Variants in RANBP9 observed in about 807,000 individuals in gnomAD.
The protein encoded by RANBP9 is ran-binding protein 9.
A neutral mutation model predicts 84.3 loss-of-function variants in RANBP9; 15 were observed. The observed-to-expected ratio is 0.18, with a 90% CI of 0.12 to 0.27. RANBP9 has a LOEUF of 0.27. Among genes scored for constraint, RANBP9 ranks in the 10% least tolerant of loss-of-function variants. The probability of loss-of-function intolerance (pLI) is 1.00; values close to 1 mark genes in which losing one functional copy is unlikely to be tolerated. For missense variants in RANBP9, 809 were observed against 912.8 expected (o/e 0.89, Z 1.46); for synonymous variants, 392 against 349.6 (o/e 1.12, Z -1.35).
At chr6:13,639,797 G>T in intron 8 of RANBP9, 44 bp from the exon 9 acceptor site, 1 of 1,474,198 alleles carries the variant, frequency 6.8e-7, no homozygotes, top group South Asian at 1.2e-5. Context: ...ATCTTCAAAT[G>T]GCCTTTTATT....
chr6:13,684,013 A>C (rs1002070389), intron 2 of RANBP9, among the ~76,000 whole-genome samples: 1 of 152,218 alleles, frequency 6.6e-6, no homozygotes, highest in Non-Finnish European at 1.5e-5. Context: ...GAACATATCC[A>C]AAATCCAAGA....
At chr6:13,634,356 T>G in intron 11 of RANBP9, 75 bp downstream of exon 11, 2 of 1,514,680 alleles carry the variant, frequency 1.3e-6, no homozygotes, top group Non-Finnish European at 1.8e-6. Context: ...TCATCAGCTG[T>G]GAATCAGTAC....
chr6:13,688,764 G>GTA (rs1684065735), intron 2 of RANBP9, among the ~76,000 whole-genome samples: 1 of 151,350 alleles, frequency 6.6e-6, no homozygotes, highest in Non-Finnish European at 1.5e-5. Flanking sequence ...CGTAAACTCT[G>GTA]TAGCAGTCTT....
intron 1 of RANBP9, among the ~76,000 whole-genome samples, chr6:13,698,783 T>A (rs1443373270): frequency 6.6e-6 from 1 of 152,182 alleles, no homozygotes; most frequent in African/African-American, 2.4e-5. Flanking sequence ...CAAGGGAAGA[T>A]AATGAAACTC....
At chr6:13,679,637 T>C (rs1019688831) in intron 2 of RANBP9, among the ~76,000 whole-genome samples, 2 of 152,182 alleles carry the variant, frequency 1.3e-5, no homozygotes, top group Non-Finnish European at 2.9e-5. Flanking sequence ...TTAATCCATA[T>C]TTAAAATCTT....
intron 2 of RANBP9, among the ~76,000 whole-genome samples, chr6:13,666,417 G>A (rs1765648063): frequency 6.6e-6 from 1 of 151,646 alleles, no homozygotes; most frequent in African/African-American, 2.4e-5. Flanking sequence ...AAAAATGTCA[G>A]TAACACATTT....
At chr6:13,674,620 C>G (rs557953583) in intron 2 of RANBP9, among the ~76,000 whole-genome samples, 2 of 152,294 alleles carry the variant, frequency 1.3e-5, no homozygotes, top group Admixed American at 6.5e-5. Context: ...ACCACCCAGG[C>G]ACAAGTGTTT....
intron 2 of RANBP9, among the ~76,000 whole-genome samples, chr6:13,676,816 T>C (rs964559157): frequency 6.6e-6 from 1 of 152,030 alleles, no homozygotes; most frequent in Non-Finnish European, 1.5e-5. Context: ...TCCAACACCA[T>C]TCTTGATAAA....
At chr6:13,673,352 T>TA (rs761846719) in intron 2 of RANBP9, among the ~76,000 whole-genome samples, 8 of 152,040 alleles carry the variant, frequency 5.3e-5, no homozygotes, top group Non-Finnish European at 1.2e-4. Flanking sequence ...CAAACAAAAA[T>TA]AGAGGGAACT....
chr6:13,671,143 G>A (rs746827861), intron 2 of RANBP9, among the ~76,000 whole-genome samples: 20 of 152,138 alleles, frequency 1.3e-4, no homozygotes, highest in Admixed American at 4.6e-4. Flanking sequence ...ACACTAGGAT[G>A]GCTAGAATCA....
At chr6:13,636,657 A>ATT (rs1026078145) in intron 10 of RANBP9, among the ~76,000 whole-genome samples, 1 of 152,004 alleles carries the variant, frequency 6.6e-6, no homozygotes, top group African/African-American at 2.4e-5. Flanking sequence ...ATTTCCATCT[A>ATT]TTTTTAAACT....
intron 1 of RANBP9, among the ~76,000 whole-genome samples, chr6:13,707,299 G>T (rs908853964): frequency 1.3e-5 from 2 of 152,102 alleles, no homozygotes; most frequent in African/African-American, 2.4e-5. Context: ...GATTACAGGC[G>T]TAAGCCACCA....
At chr6:13,664,778 G>A (rs989412428) in intron 2 of RANBP9, among the ~76,000 whole-genome samples, 4 of 152,104 alleles carry the variant, frequency 2.6e-5, no homozygotes, top group South Asian at 4.1e-4. Flanking sequence ...AATTAAATAA[G>A]TAAAATGTAT....
At chr6:13,670,657 G>A (rs1180798334) in intron 2 of RANBP9, among the ~76,000 whole-genome samples, 5 of 151,638 alleles carry the variant, frequency 3.3e-5, no homozygotes, top group Non-Finnish European at 2.9e-5. Context: ...AAAATTAGAC[G>A]GGCGTGGTGG....
intron 1 of RANBP9, among the ~76,000 whole-genome samples, chr6:13,707,725 G>C (rs954642269): frequency 6.6e-6 from 1 of 152,132 alleles, no homozygotes; most frequent in Admixed American, 6.5e-5. Context: ...TATATATAAA[G>C]CACTCTATAA....
At chr6:13,692,308 G>A (rs1404778549) in intron 2 of RANBP9, among the ~76,000 whole-genome samples, 1 of 151,794 alleles carries the variant, frequency 6.6e-6, no homozygotes, top group African/African-American at 2.4e-5. Flanking sequence ...GGCCGAGGCG[G>A]GTGGATCACC....
intron 2 of RANBP9, among the ~76,000 whole-genome samples, chr6:13,674,142 G>C (rs1765835284): frequency 6.7e-6 from 1 of 149,350 alleles, no homozygotes; most frequent in African/African-American, 2.5e-5. Context: ...TAATGAGTAA[G>C]AAACAAATAT....
chr6:13,708,456 AC>A (rs1326860054), intron 1 of RANBP9, among the ~76,000 whole-genome samples: 1 of 152,098 alleles, frequency 6.6e-6, no homozygotes, highest in Non-Finnish European at 1.5e-5. Flanking sequence ...CAGAACAACA[AC>A]AAAAAACCAG....
At chr6:13,689,071 C>T (rs1302558127) in intron 2 of RANBP9, among the ~76,000 whole-genome samples, 2 of 150,436 alleles carry the variant, frequency 1.3e-5, no homozygotes. Context: ...GCAGGAGGAT[C>T]ACTTAAGTAA....
Sources: gnomAD v4.1 joint callset for allele counts (sites outside exome capture counted in the v4.1 genomes callset) on GRCh38, gnomAD v4.1.1 for gene constraint, MANE v1.5 for transcripts, NCBI Gene and HGNC (gene_info 2026-07-23, HGNC 2026-07-21) for gene names.